CSMD1: variants seen among roughly 807,000 people sequenced by gnomAD.
The protein encoded by CSMD1 is CUB and sushi domain-containing protein 1.
Under a neutral mutation model 417.5 loss-of-function variants are expected in CSMD1, and 213 were observed. The ratio of observed to expected loss-of-function variants is 0.51; its 90% CI spans 0.46 to 0.57. The LOEUF (loss-of-function observed/expected upper bound fraction) is 0.57. Ranked by LOEUF, CSMD1 falls within the 20% of genes least tolerant of loss-of-function variation. CSMD1 has a pLI of 0.00. For synonymous variants in CSMD1, 2,862 were observed against 1,736.8 expected, an observed-to-expected ratio of 1.65 and a Z score of -16.11; for missense variants, 6,923 against 4,529.7, an observed-to-expected ratio of 1.53 and a Z score of -15.17.
intron 2 of CSMD1, among the ~76,000 whole-genome samples, chr8:4,450,435 G>T (rs745995581): frequency 1.3e-5 from 2 of 152,054 alleles, no homozygotes; most frequent in Non-Finnish European, 2.9e-5. Context: ...AGACCATCTT[G>T]GCCAACAGGG....
intron 7 of CSMD1, among the ~76,000 whole-genome samples, chr8:3,635,585 G>A (rs1027511371): frequency 6.7e-6 from 1 of 149,494 alleles, no homozygotes; most frequent in Admixed American, 6.7e-5. Flanking sequence ...CCAGGTTCAC[G>A]CCATTCTCCT....
At chr8:3,976,064 G>A (rs1813412536) in intron 5 of CSMD1, among the ~76,000 whole-genome samples, 1 of 151,706 alleles carries the variant, frequency 6.6e-6, no homozygotes, top group African/African-American at 2.4e-5. Context: ...TATTTGATAT[G>A]TTAAATTTTT....
intron 3 of CSMD1, among the ~76,000 whole-genome samples, chr8:4,374,957 G>GGGGT (rs35709464): frequency 0.15 from 12,502 of 81,732 alleles, 2,281 homozygotes; most frequent in African/African-American, 0.26. Context: ...AGACAAAGGT[G>GGGGT]GGGTGGGGGG....
At chr8:3,489,225 C>T (rs1585240784) in intron 11 of CSMD1, among the ~76,000 whole-genome samples, 1 of 152,166 alleles carries the variant, frequency 6.6e-6, no homozygotes, top group African/African-American at 2.4e-5. Context: ...GAAGTAGATT[C>T]AGCAAAAATG....
At chr8:4,204,465 T>C (rs1799859556) in intron 3 of CSMD1, among the ~76,000 whole-genome samples, 1 of 152,214 alleles carries the variant, frequency 6.6e-6, no homozygotes, top group South Asian at 2.1e-4. Flanking sequence ...ACCTGAGATT[T>C]TGTCAGCACT....
intron 10 of CSMD1, among the ~76,000 whole-genome samples, chr8:3,569,861 C>G (rs901745500): frequency 2.4e-4 from 36 of 152,140 alleles, no homozygotes; most frequent in African/African-American, 8.4e-4. Context: ...GGTATGTCAA[C>G]CTGGAATACC....
chr8:4,348,121 G>C (rs1442446695), intron 3 of CSMD1, among the ~76,000 whole-genome samples: 1 of 152,186 alleles, frequency 6.6e-6, no homozygotes, highest in Non-Finnish European at 1.5e-5. Flanking sequence ...CTACCAGTTA[G>C]AAGTATTAAA....
At chr8:3,951,739 T>A (rs1047778462) in intron 5 of CSMD1, among the ~76,000 whole-genome samples, 2 of 152,080 alleles carry the variant, frequency 1.3e-5, no homozygotes, top group Non-Finnish European at 2.9e-5. Flanking sequence ...TGGGGGGCAT[T>A]AAAACGTAAT....
chr8:4,233,752 T>C (rs193068520), intron 3 of CSMD1, among the ~76,000 whole-genome samples: 82 of 152,324 alleles, frequency 5.4e-4, no homozygotes, highest in African/African-American at 1.7e-3. Flanking sequence ...GTAAGATCTC[T>C]GTTGAAATGC....
chr8:4,024,979 A>C (rs1796987559), intron 4 of CSMD1, among the ~76,000 whole-genome samples: 1 of 152,244 alleles, frequency 6.6e-6, no homozygotes, highest in Non-Finnish European at 1.5e-5. Flanking sequence ...GGCCTGGGCT[A>C]GGCCTGGGTG....
chr8:2,972,444 C>T (rs1804539364), intron 57 of CSMD1, among the ~76,000 whole-genome samples: 1 of 152,190 alleles, frequency 6.6e-6, no homozygotes. Flanking sequence ...TCCTATCTGT[C>T]TGAATTCTAA....
chr8:3,396,282 C>T lies in CSMD1; in HGVS notation c.2505G>A (p.Gln835=). The change falls in exon 17 of 70, where the codon CAG becomes CAA. Residue 835 remains glutamine (Q), a synonymous_variant. Transcript: ENST00000635120. ...IGEYHGTQAP[Q]FLISTGNFMY... ...TGAAGTTCCCGGTGCTGATGAGGAA[C>T]TGGGGTGCCTGGGTGCCGTGGTACT... 6.2e-7 allele frequency: 1 copy of T among 1,600,070 alleles called. No homozygotes were observed. The highest frequency in any genetic ancestry group is 8.5e-7 in the Non-Finnish European group (1 of 1,173,184).
chr8:3,544,464 T>C (rs578152510), intron 10 of CSMD1, among the ~76,000 whole-genome samples: 1 of 152,258 alleles, frequency 6.6e-6, no homozygotes, highest in African/African-American at 2.4e-5. Context: ...CCTTACTCTG[T>C]CCATGGAGTA....
intron 1 of CSMD1, among the ~76,000 whole-genome samples, chr8:4,771,803 A>T (rs146089889): frequency 1.0e-3 from 154 of 152,218 alleles, no homozygotes; most frequent in Admixed American, 1.4e-3. Flanking sequence ...ATGTTCCCAA[A>T]GTTTGTTTTT....
At chr8:3,408,273 G>A in intron 13 of CSMD1, 48 bp from the exon 14 acceptor site, 1 of 1,422,252 alleles carries the variant, frequency 7.0e-7, no homozygotes, top group Non-Finnish European at 9.5e-7. Context: ...CATATCCAAA[G>A]AATTGCCATG....
chr8:4,617,209 C>A (rs938347217), intron 2 of CSMD1, among the ~76,000 whole-genome samples: 1 of 152,076 alleles, frequency 6.6e-6, no homozygotes, highest in African/African-American at 2.4e-5. Context: ...GTTTTTGCAA[C>A]TTTATACAAA....
At chr8:4,269,883 G>A (rs982264059) in intron 3 of CSMD1, among the ~76,000 whole-genome samples, 24 of 152,262 alleles carry the variant, frequency 1.6e-4, no homozygotes, top group African/African-American at 5.8e-4. Context: ...CATTACTGGA[G>A]TTTATATTAC....
chr8:4,964,216 T>C (rs1809696725), intron 1 of CSMD1, among the ~76,000 whole-genome samples: 1 of 151,976 alleles, frequency 6.6e-6, no homozygotes, highest in Non-Finnish European at 1.5e-5. Context: ...GCAAAATGAA[T>C]GAATGAGTAG....
At chr8:3,292,695 C>A (rs998428856) in intron 25 of CSMD1, among the ~76,000 whole-genome samples, 1 of 152,092 alleles carries the variant, frequency 6.6e-6, no homozygotes, top group African/African-American at 2.4e-5. Context: ...CTTCCTCCAT[C>A]CTTTTATTTT....
Sources: allele counts gnomAD v4.1 joint callset (sites outside exome capture counted in the v4.1 genomes callset), GRCh38; gene constraint gnomAD v4.1.1; transcripts MANE v1.5; gene names NCBI Gene and HGNC (gene_info 2026-07-23, HGNC 2026-07-21).